The following ZNF683 variants were observed in gnomAD, a reference collection of about 807,000 sequenced individuals.
ZNF683 encodes zinc finger protein 683.
ZNF683 carries 20 observed loss-of-function variants against 31.4 expected under a neutral mutation model. The ratio of observed to expected loss-of-function variants is 0.64; its 90% CI spans 0.45 to 0.93. ZNF683 has a LOEUF of 0.93. Ranked by LOEUF, ZNF683 falls within the 40% of genes least tolerant of loss-of-function variation. The pLI is 0.00. For missense variants in ZNF683, 621 were observed against 637.2 expected (o/e 0.97, Z 0.27); for synonymous variants, 264 against 267.6 (o/e 0.99, Z 0.13).
chr1:26,363,045 TC>T lies in ZNF683; in HGVS notation c.1123del (p.Glu375SerfsTer47). 1 of 1,611,590 alleles carries T rather than the reference TC, an allele frequency of 6.2e-7. No individual in the cohort carries two copies. The highest frequency in any genetic ancestry group is 8.5e-7 in the Non-Finnish European group (1 of 1,178,826). ...TCTCACCGAGCACTTGTGGGGCCGC[TC>T]CCCAGTGTGCACCAGGTGGTGCTTC... The part of the protein sequence containing the change: ...LQKHHLVHTG[E>X]RPHKCSVCHK... On this transcript the variant is annotated frameshift_variant, in exon 5 of 6. Coordinates refer to ENST00000349618, the MANE Select transcript of ZNF683 (RefSeq NM_001114759.3). LOFTEE classifies it low-confidence loss of function (END_TRUNC).
At chr1:26,372,141 C>A (rs1457653061) in intron 1 of ZNF683, among the ~76,000 whole-genome samples, 1 of 152,186 alleles carries the variant, frequency 6.6e-6, no homozygotes, top group Non-Finnish European at 1.5e-5. Context: ...GCACCCCAGC[C>A]ACGCCACCCT....
intron 1 of ZNF683, among the ~76,000 whole-genome samples, chr1:26,369,651 G>C (rs913867633): frequency 4.3e-5 from 6 of 138,098 alleles, no homozygotes; most frequent in African/African-American, 1.8e-4. Flanking sequence ...CTGGGTGACA[G>C]AGCAAGACTT....
chr1:26,362,952 G>T (rs1362565113), intron 5 of ZNF683, 74 bp downstream of exon 5: 2 of 1,506,680 alleles, frequency 1.3e-6, no homozygotes, highest in African/African-American at 2.8e-5. Flanking sequence ...GGAGGCTGCA[G>T]GTGCCAGCCC....
At chr1:26,372,896 C>G, upstream of ZNF683, 1 of 1,105,028 alleles carries the variant, frequency 9.0e-7, no homozygotes, top group Non-Finnish European at 1.1e-6. Flanking sequence ...AGAGGCTGCT[C>G]CATGTGGGAA....
chr1:26,364,791 G>A lies in ZNF683; in HGVS notation c.755C>T (p.Thr252Ile). The change falls in exon 4 of 6, where the codon ACC becomes ATC. Residue 252 changes from threonine to isoleucine, a missense_variant. Coordinates refer to ENST00000349618, the MANE Select transcript of ZNF683 (RefSeq NM_001114759.3). ...ELGHPSARWE[T>I]LLPYPGAFQA... Reference sequence around the variant, plus strand: ...GAAGGCCCCTGGGTAGGGAAGCAGGGTCTCCCACCGAGCGCTGGGGTGCCC... The same window carrying A: ...GAAGGCCCCTGGGTAGGGAAGCAGGATCTCCCACCGAGCGCTGGGGTGCCC... The A allele has an allele frequency of 6.3e-7, 1 of 1,593,376 alleles. No homozygotes were observed. Among genetic ancestry groups the A allele is most frequent in the Non-Finnish European group, 8.5e-7 (1 of 1,171,524 alleles).
intron 3 of ZNF683, among the ~76,000 whole-genome samples, chr1:26,367,031 G>GAGGCAGGTGGATCAC (rs1553172506): frequency 6.6e-6 from 1 of 152,136 alleles, no homozygotes; most frequent in East Asian, 1.9e-4. Context: ...TTGGGTCACC[G>GAGGCAGGTGGATCAC]AGGCAGGTGG....
At position 26,367,576 on chromosome 1, in the gene ZNF683, C is replaced by G; in HGVS notation, c.319+17G>C. On this transcript the variant is annotated intron_variant, in intron 3 of 5. Transcript: ENST00000349618. ...GCCTCTGCCAGGCGCAGGTGCAGCC[C>G]GGTGCCCTGGGCTTACTCATGCTCA... is the stretch of plus-strand genomic sequence containing the variant. 6.4e-7 allele frequency: 1 copy of G among 1,562,196 alleles called. No homozygotes were observed. Among genetic ancestry groups the G allele is most frequent in the Middle Eastern group, 2.3e-4 (1 of 4,294 alleles).
Position 26,365,212 on chromosome 1 carries a change from C to G in ZNF683, c.334G>C (p.Gly112Arg), listed in dbSNP as rs2074493239. ...TCATCGGTGGAGCTGGCCTGCAGCC[C>G]TGGTGGCTCGTGCTCTAAGCAGGAA... Reference protein sequence around the residue: ...DALSMKHEPPGLQASSTDDKK... With the variant: ...DALSMKHEPPRLQASSTDDKK... Residue 112 changes from glycine (G) to arginine (R), a missense_variant, in exon 4 of 6, where the codon GGG (glycine) becomes CGG (arginine). By Grantham distance (125) the Gly-to-Arg change is moderately radical. Coordinates refer to ENST00000349618, the MANE Select transcript of ZNF683 (RefSeq NM_001114759.3). The G allele has an allele frequency of 6.2e-7, 1 of 1,600,536 alleles. No homozygotes were observed. Among genetic ancestry groups the G allele is most frequent in the African/African-American group, 1.3e-5 (1 of 74,836 alleles).
At chr1:26,374,173 C>A, upstream of ZNF683, 2 of 1,200,886 alleles carry the variant, frequency 1.7e-6, no homozygotes, top group South Asian at 2.7e-5. Context: ...CCCTCTCAGA[C>A]CCCCAGGCCA....
chr1:26,374,198 C>G, upstream of ZNF683: 1 of 1,291,126 alleles, frequency 7.7e-7, no homozygotes, highest in South Asian at 1.2e-5. Flanking sequence ...CCCGCCTCCC[C>G]TGCTGTCTTG....
In ZNF683 at chr1:26,367,570, GC is replaced by G. The variant is rs1471746021; in HGVS notation, c.319+22del. ...CCTCCAGCCTCTGCCAGGCGCAGGT[GC>G]AGCCCGGTGCCCTGGGCTTACTCAT... On this transcript the variant is annotated intron_variant, in intron 3 of 5. Transcript: ENST00000349618. 3 of 1,545,154 alleles carry G rather than the reference GC, an allele frequency of 1.9e-6. No homozygotes were observed. The East Asian group carries it at 7.0e-5, about 36-fold the overall frequency.
At position 26,364,522 on chromosome 1, in the gene ZNF683, A is replaced by G. The variant is rs1322873483; in HGVS notation, c.1014+10T>C. The G allele has an allele frequency of 1.2e-6, 2 of 1,613,484 alleles. No homozygotes were observed. ...GTTGAGGGGAGAAGCAGAGCCCAGGAGGCAGATACCTTGAGATTGGAGAGC... is the reference window on the plus strand; with the variant it reads ...GTTGAGGGGAGAAGCAGAGCCCAGGGGGCAGATACCTTGAGATTGGAGAGC... On this transcript the variant is annotated intron_variant, in intron 4 of 5. Coordinates refer to ENST00000349618, the MANE Select transcript of ZNF683 (RefSeq NM_001114759.3).
In ZNF683 at chr1:26,367,456, G is replaced by A. The variant is rs553457508; in HGVS notation, c.319+137C>T. The A allele has an allele frequency of 4.8e-4, 478 of 997,752 alleles. 1 individual carries two copies. The highest frequency in any genetic ancestry group is 1.6e-3 in the Admixed American group (50 of 31,396). 61.8% of individuals were successfully genotyped at this position (997,752 alleles called of 1,614,324 possible). ...CAGGCCAGAACTCCAAGGCCAAAAT[G>A]TGGAAGTAAAGTGTGCCTAAGCTCT... is the stretch of plus-strand genomic sequence containing the variant. On this transcript the variant is annotated intron_variant, in intron 3 of 5. Coordinates refer to ENST00000349618, the MANE Select transcript of ZNF683 (RefSeq NM_001114759.3).
Position 26,364,914 on chromosome 1 carries a change from A to G in ZNF683, c.632T>C (p.Leu211Pro). ...PPPHLFTYGALPSDQCPHLLM... is the reference protein window; with the variant it reads ...PPPHLFTYGAPPSDQCPHLLM... ...GAGGTGGGGACATTGGTCAGAAGGT[A>G]GGGCCCCATAGGTGAACAGGTGGGG... Residue 211 changes from leucine (L) to proline (P), a missense_variant, in exon 4 of 6, where the codon CTA becomes CCA. Leu to Pro is a moderately conservative substitution (Grantham distance 98). Transcript: ENST00000349618. The G allele has an allele frequency of 1.3e-6, 2 of 1,544,954 alleles. No homozygotes were observed. Among genetic ancestry groups the G allele is most frequent in the Non-Finnish European group, 1.7e-6 (2 of 1,149,156 alleles).
intron 3 of ZNF683, among the ~76,000 whole-genome samples, chr1:26,366,342 CAAAAAAAAAAAA>C (rs1173737722): frequency 4.7e-3 from 321 of 69,006 alleles, no homozygotes; most frequent in African/African-American, 0.015. Flanking sequence ...CAGCCTATCT[CAAAAAAAAAAAA>C]AAAAAAAAAA....
At chr1:26,373,539 C>T (rs2124225258), upstream of ZNF683, among the ~76,000 whole-genome samples, 1 of 152,244 alleles carries the variant, frequency 6.6e-6, no homozygotes, top group South Asian at 2.1e-4. Flanking sequence ...AGAATCTGTG[C>T]AGGGCTGGTC....
Position 26,365,190 on chromosome 1 carries a change from T to A in ZNF683, c.356A>T (p.Asp119Val). The change falls in exon 4 of 6, where the codon GAT (aspartate) becomes GTT (valine). Residue 119 changes from aspartate to valine, a missense_variant. Transcript: ENST00000349618. Reference protein sequence around the residue: ...EPPGLQASSTDDKKFTVKYPQ... With the variant: ...EPPGLQASSTVDKKFTVKYPQ... ...GTACTTGACTGTGAATTTCTTGTCA[T>A]CGGTGGAGCTGGCCTGCAGCCCTGG... The A allele has an allele frequency of 6.2e-7, 1 of 1,608,444 alleles. No homozygotes were observed. Among genetic ancestry groups the A allele is most frequent in the Non-Finnish European group, 8.5e-7 (1 of 1,177,688 alleles).
Position 26,361,814 on chromosome 1 carries a change from C to A in ZNF683, c.1352G>T (p.Trp451Leu). Residue 451 changes from tryptophan (W) to leucine (L), a missense_variant, in exon 6 of 6, where the codon TGG (tryptophan) becomes TTG (leucine). Trp to Leu is a moderately conservative substitution (Grantham distance 61). Coordinates refer to ENST00000349618, the MANE Select transcript of ZNF683 (RefSeq NM_001114759.3). ...CATAAGATCTAGTGCCCCCTGGTGCCATTGGGCAAGGCAGGCCAGAGAGGC... is the reference window on the plus strand; with the variant it reads ...CATAAGATCTAGTGCCCCCTGGTGCAATTGGGCAAGGCAGGCCAGAGAGGC... ...PLASLACLAQ[W>L]HQGALDLMAV... 1 of 1,614,070 alleles carries A rather than the reference C, an allele frequency of 6.2e-7. No individual in the cohort carries two copies. Among genetic ancestry groups the A allele is most frequent in the Non-Finnish European group, 8.5e-7 (1 of 1,179,904 alleles).
intron 3 of ZNF683, 67 bp downstream of exon 3, chr1:26,367,526 A>T (rs1570260962): frequency 7.0e-7 from 1 of 1,438,404 alleles, no homozygotes; most frequent in Admixed American, 2.6e-5. Context: ...CCATCCCCAA[A>T]CCTAGCAGTG....
Sources: allele counts gnomAD v4.1 joint callset (sites outside exome capture counted in the v4.1 genomes callset), GRCh38; gene constraint gnomAD v4.1.1; transcripts MANE v1.5; gene names NCBI Gene and HGNC (gene_info 2026-07-23, HGNC 2026-07-21).